The following YEATS4 variants were observed in gnomAD, a reference collection of about 807,000 sequenced individuals.
The protein encoded by YEATS4 is YEATS domain-containing protein 4.
YEATS4 carries 17 observed loss-of-function variants against 30.1 expected under a neutral mutation model. The ratio of observed to expected loss-of-function variants is 0.56; its 90% CI spans 0.39 to 0.85. YEATS4 has a LOEUF of 0.85. Ranked by LOEUF, YEATS4 falls within the 40% of genes least tolerant of loss-of-function variation. YEATS4 has a pLI of 0.00. For synonymous variants in YEATS4, 85 were observed against 87.5 expected (o/e 0.97, Z 0.16); for missense variants, 142 against 268.3 (o/e 0.53, Z 3.29).
the YEATS4 span, among the ~76,000 whole-genome samples, chr12:69,411,915 T>C: frequency 2.6e-5 from 4 of 152,108 alleles, no homozygotes; most frequent in South Asian, 4.1e-4. Flanking sequence ...CCAAACCACG[T>C]AGGGGTTTGG....
the YEATS4 span, among the ~76,000 whole-genome samples, chr12:69,422,101 AG>A: frequency 1.3e-5 from 2 of 152,146 alleles, no homozygotes; most frequent in Non-Finnish European, 1.5e-5. Context: ...GGAAGATAGA[AG>A]ATTCTGGCGA....
At chr12:69,404,117 A>C in the YEATS4 span, among the ~76,000 whole-genome samples, 1 of 152,150 alleles carries the variant, frequency 6.6e-6, no homozygotes, top group Non-Finnish European at 1.5e-5. Context: ...TCACAAGTCT[A>C]GATTTCCAGC....
chr12:69,379,332 A>T (rs924702217), intron 6 of YEATS4, among the ~76,000 whole-genome samples: 4 of 152,098 alleles, frequency 2.6e-5, no homozygotes, highest in African/African-American at 9.7e-5. Context: ...CTCTATTATT[A>T]TCCCTTTGAA....
At chr12:69,416,347 C>G in the YEATS4 span, among the ~76,000 whole-genome samples, 1 of 152,188 alleles carries the variant, frequency 6.6e-6, no homozygotes, top group Non-Finnish European at 1.5e-5. Flanking sequence ...GAAATTCTCC[C>G]AAATTCTATG....
intron 6 of YEATS4, among the ~76,000 whole-genome samples, chr12:69,376,669 C>CT (rs1490636960): frequency 6.6e-6 from 1 of 152,054 alleles, no homozygotes; most frequent in Non-Finnish European, 1.5e-5. Flanking sequence ...CTGTGGTTTT[C>CT]TTTTTTTGAT....
At chr12:69,417,122 CA>C in the YEATS4 span, among the ~76,000 whole-genome samples, 1 of 149,094 alleles carries the variant, frequency 6.7e-6, no homozygotes, top group Non-Finnish European at 1.5e-5. Flanking sequence ...ATAAAATACT[CA>C]AGTTGGTCAT....
At chr12:69,426,159 T>A in the YEATS4 span, among the ~76,000 whole-genome samples, 2 of 152,120 alleles carry the variant, frequency 1.3e-5, no homozygotes, top group African/African-American at 2.4e-5. Context: ...GGAGGATCAC[T>A]TGAGCCCAGG....
At chr12:69,417,004 C>G in the YEATS4 span, among the ~76,000 whole-genome samples, 1 of 151,314 alleles carries the variant, frequency 6.6e-6, no homozygotes, top group East Asian at 2.0e-4. Flanking sequence ...ACCCAGGAGG[C>G]GGAGGTTGCA....
intron 6 of YEATS4, among the ~76,000 whole-genome samples, chr12:69,388,974 A>T (rs1359638523): frequency 1.3e-5 from 2 of 152,134 alleles, no homozygotes; most frequent in East Asian, 3.9e-4. Flanking sequence ...AAGTTTTCTC[A>T]ACAAATAATA....
the YEATS4 span, among the ~76,000 whole-genome samples, chr12:69,404,663 G>T: frequency 6.6e-6 from 1 of 152,180 alleles, no homozygotes; most frequent in African/African-American, 2.4e-5. Context: ...CCTTTTCTTT[G>T]TAAATTACCC....
chr12:69,405,171 A>G, the YEATS4 span, among the ~76,000 whole-genome samples: 107 of 152,276 alleles, frequency 7.0e-4, no homozygotes, highest in African/African-American at 2.4e-3. Context: ...ATTGATTCCT[A>G]TGCAGTAGTT....
the YEATS4 span, among the ~76,000 whole-genome samples, chr12:69,403,041 G>C: frequency 6.6e-6 from 1 of 151,930 alleles, no homozygotes; most frequent in Non-Finnish European, 1.5e-5. Context: ...TTCAAACATT[G>C]AAAAAATGTA....
At chr12:69,361,749 A>G (rs954862623) in intron 1 of YEATS4, among the ~76,000 whole-genome samples, 3 of 152,212 alleles carry the variant, frequency 2.0e-5, no homozygotes, top group African/African-American at 7.2e-5. Context: ...GAAATTTTTT[A>G]TCTTTCCAAC....
At position 69,359,887 on chromosome 12, in the gene YEATS4, A is replaced by C. The variant is rs780056958; in HGVS notation, c.-86A>C. 288 of 1,551,510 alleles carry C rather than the reference A, an allele frequency of 1.9e-4. No individual in the cohort carries two copies. The highest frequency in any genetic ancestry group is 4.3e-5 in the Non-Finnish European group (49 of 1,133,544). ...GAAACCCTCCGCCTGGGCCCGCGCG[A>C]CAGGAGCGCGGTCTCTGAGGGGAGC... On this transcript the variant is annotated 5_prime_UTR_variant, in exon 1 of 7. Transcript: ENST00000247843.
chr12:69,405,468 C>A, the YEATS4 span, among the ~76,000 whole-genome samples: 1 of 152,018 alleles, frequency 6.6e-6, no homozygotes, highest in Non-Finnish European at 1.5e-5. Flanking sequence ...CTTATTAAGT[C>A]AAAAACTTTC....
At chr12:69,382,262 C>T (rs989602028) in intron 6 of YEATS4, among the ~76,000 whole-genome samples, 7 of 152,194 alleles carry the variant, frequency 4.6e-5, no homozygotes, top group Non-Finnish European at 8.8e-5. Context: ...ATTTGATTAG[C>T]TTGTGTCCAT....
At chr12:69,385,367 TAATC>T (rs1306702718) in intron 6 of YEATS4, among the ~76,000 whole-genome samples, 1 of 152,114 alleles carries the variant, frequency 6.6e-6, no homozygotes, top group Non-Finnish European at 1.5e-5. Context: ...CTGGGAATAT[TAATC>T]AAAGGTCTAA....
At chr12:69,379,938 C>G (rs774804680) in intron 6 of YEATS4, among the ~76,000 whole-genome samples, 1 of 152,152 alleles carries the variant, frequency 6.6e-6, no homozygotes, top group East Asian at 1.9e-4. Flanking sequence ...CATTTCTGCT[C>G]GATTCTTTTA....
chr12:69,364,384 A>G, intron 2 of YEATS4: 1 of 188,890 alleles, frequency 5.3e-6, no homozygotes, highest in East Asian at 1.6e-4. Flanking sequence ...AAAATTCCTA[A>G]AAGTAAATTA....
Sources: allele counts gnomAD v4.1 joint callset (sites outside exome capture counted in the v4.1 genomes callset), GRCh38; gene constraint gnomAD v4.1.1; transcripts MANE v1.5; gene names NCBI Gene and HGNC (gene_info 2026-07-23, HGNC 2026-07-21).